Variants in KDM2B observed in about 807,000 individuals in gnomAD.
The protein encoded by KDM2B is lysine demethylase 2B, also known as lysine-specific demethylase 2B.
In KDM2B, 26 loss-of-function variants were observed where a neutral mutation model predicts 150.0. That is an observed-to-expected ratio of 0.17 (90% confidence interval 0.13 to 0.24). KDM2B has a LOEUF of 0.24. KDM2B is among the 10% of genes least tolerant of loss of function. KDM2B has a pLI of 1.00. For synonymous variants in KDM2B, 734 were observed against 729.5 expected (o/e 1.01, Z -0.10); for missense variants, 1,265 against 1,816.9 (o/e 0.70, Z 5.52).
In KDM2B at chr12:121,439,314, A is replaced by G. The variant is rs192613722; in HGVS notation, c.3829+543T>C. Among the ~76,000 whole-genome samples, 50 of 150,698 alleles carry G rather than the reference A, an allele frequency of 3.3e-4. No individual in the cohort carries two copies. The East Asian group carries it at 6.8e-3, about 21-fold the overall frequency. Reference sequence around the variant, plus strand: ...GTATTTTGGGTCAGGAACCACTGCTATGTGCTTGTGGCTGCTGCTAACTGG... The same window carrying G: ...GTATTTTGGGTCAGGAACCACTGCTGTGTGCTTGTGGCTGCTGCTAACTGG... On this transcript the variant is annotated intron_variant, in intron 22 of 22. Coordinates refer to ENST00000377071, the MANE Select transcript of KDM2B (RefSeq NM_032590.5).
intron 8 of KDM2B, among the ~76,000 whole-genome samples, chr12:121,529,415 G>T (rs1887439336): frequency 1.3e-5 from 2 of 152,144 alleles, no homozygotes; most frequent in Admixed American, 6.6e-5. Context: ...TCACACTGTG[G>T]CAATGAAAAC....
In KDM2B at chr12:121,440,247, A is replaced by G. The variant is rs782766347; in HGVS notation, c.3611-172T>C. The G allele has an allele frequency of 6.6e-6, 4 of 605,846 alleles. No individual in the cohort carries two copies. In the South Asian group the frequency reaches 8.0e-5, roughly 12 times the overall value. 37.5% of individuals were successfully genotyped at this position (605,846 alleles called of 1,614,324 possible). The stretch of plus-strand genomic sequence containing the variant: ...CCAACAGTGAAAAATCAGACTCCAC[A>G]TCAAAACTTAGATTTTCAGATTCTC... On this transcript the variant is annotated intron_variant, in intron 21 of 22. Coordinates refer to ENST00000377071, the MANE Select transcript of KDM2B (RefSeq NM_032590.5).
In KDM2B at chr12:121,442,853, A is replaced by G; in HGVS notation, c.2605-17T>C. The G allele has an allele frequency of 6.6e-7, 1 of 1,516,170 alleles. No individual in the cohort carries two copies. Among genetic ancestry groups the G allele is most frequent in the Non-Finnish European group, 8.8e-7 (1 of 1,136,994 alleles). The allele number at this position is 1,516,170 out of a possible 1,614,324, so 93.9% of individuals were successfully genotyped here. A position where few individuals can be genotyped will look rare whatever the true frequency, so the allele number is the denominator to read the frequency against. Reference sequence around the variant, plus strand: ...GGACCGCCGCTGAGGGCGAGAGCGGAGACGCGTCAGCCTCTGGGGCTCAGG... The same window carrying G: ...GGACCGCCGCTGAGGGCGAGAGCGGGGACGCGTCAGCCTCTGGGGCTCAGG... On this transcript the variant is annotated splice_polypyrimidine_tract_variant and intron_variant, in intron 18 of 22. Transcript: ENST00000377071. This position sits in a 1 kb window ranked among gnomAD's most constrained non-coding sequence, Gnocchi z 7.7.
intron 4 of KDM2B, among the ~76,000 whole-genome samples, chr12:121,563,576 C>T (rs782272507): frequency 2.0e-5 from 3 of 151,336 alleles, no homozygotes; most frequent in African/African-American, 7.3e-5. Flanking sequence ...CACTGCACTT[C>T]AGCCTGGGTG....
chr12:121,492,888 TTTTC>T (rs543321239), intron 12 of KDM2B, among the ~76,000 whole-genome samples: 256 of 151,722 alleles, frequency 1.7e-3, no homozygotes, highest in African/African-American at 6.0e-3. Context: ...CAGCATACTT[TTTTC>T]TTTCTTTCTC....
In KDM2B at chr12:121,549,433, G is replaced by T; in HGVS notation, c.576+27C>A. The T allele has an allele frequency of 6.4e-7, 1 of 1,558,436 alleles. No homozygotes were observed. Among genetic ancestry groups the T allele is most frequent in the South Asian group, 1.2e-5 (1 of 84,830 alleles). On this transcript the variant is annotated intron_variant, in intron 5 of 22. Coordinates refer to ENST00000377071, the MANE Select transcript of KDM2B (RefSeq NM_032590.5). The surrounding 1 kb of genome is among the most constrained non-coding windows in gnomAD (Gnocchi z 4.4). ...AAGGAGATGAGGTGGAAGGTATCTG[G>T]GGAGGGTACCTGGGCCCCGGACCTA...
chr12:121,424,214 CTTT>C (rs1284947093), downstream of KDM2B: 1 of 152,648 alleles, frequency 6.6e-6, no homozygotes, highest in Non-Finnish European at 1.5e-5. Context: ...CATCTAGCTT[CTTT>C]TATTAGAAGT....
chr12:121,408,658 G>A, the KDM2B span, among the ~76,000 whole-genome samples: 1 of 152,136 alleles, frequency 6.6e-6, no homozygotes. Flanking sequence ...GGAGAGCCAG[G>A]TAGATGGAGT....
At position 121,430,286 on chromosome 12, in the gene KDM2B, G is replaced by A; in HGVS notation, c.*2C>T. 1.2e-6 allele frequency: 2 copies of A among 1,614,072 alleles called. No homozygotes were observed. Among genetic ancestry groups the A allele is most frequent in the East Asian group, 2.2e-5 (1 of 44,886 alleles). On this transcript the variant is annotated 3_prime_UTR_variant, in exon 23 of 23. Transcript: ENST00000377071. The surrounding 1 kb of genome is among the most constrained non-coding windows in gnomAD (Gnocchi z 4.4). ...CCCCGTATTTACATACTTATCCTTGGACTAACTCAGTTTTTGCAGGAGTTT... is the reference window on the plus strand; with the variant it reads ...CCCCGTATTTACATACTTATCCTTGAACTAACTCAGTTTTTGCAGGAGTTT...
intron 6 of KDM2B, chr12:121,536,312 A>C (rs1253103533): frequency 2.0e-5 from 3 of 153,476 alleles, no homozygotes; most frequent in Non-Finnish European, 4.3e-5. Flanking sequence ...AGGCTGACAA[A>C]TCAGAAGGCC....
intron 8 of KDM2B, among the ~76,000 whole-genome samples, chr12:121,527,653 C>CAAAAA (rs58304715): frequency 1.7e-5 from 1 of 58,562 alleles, no homozygotes. Flanking sequence ...GACTCCGTCT[C>CAAAAA]AAAAAAAAAA....
chr12:121,476,438 C>G (rs767768491), intron 12 of KDM2B, among the ~76,000 whole-genome samples: 1 of 151,326 alleles, frequency 6.6e-6, no homozygotes, highest in African/African-American at 2.4e-5. Flanking sequence ...CCTGGGTGAC[C>G]GAACAAGACA....
chr12:121,505,917 CAG>C (rs1555302852), intron 11 of KDM2B, among the ~76,000 whole-genome samples: 1 of 152,216 alleles, frequency 6.6e-6, no homozygotes, highest in African/African-American at 2.4e-5. Context: ...AACAAGGCGA[CAG>C]AGCGTACATC....
intron 11 of KDM2B, among the ~76,000 whole-genome samples, chr12:121,506,150 C>T (rs1885052408): frequency 1.3e-5 from 2 of 152,022 alleles, no homozygotes; most frequent in African/African-American, 4.8e-5. Flanking sequence ...GCTGGGGCTA[C>T]AGGCGCACAC....
In KDM2B at chr12:121,443,768, C is replaced by G; in HGVS notation, c.2477G>C (p.Gly826Ala). The change falls in exon 17 of 23, where the codon GGT becomes GCT. Residue 826 changes from glycine (G) to alanine (A), a missense_variant. Gly to Ala is a moderately conservative substitution (Grantham distance 60, BLOSUM62 0). Coordinates refer to ENST00000377071, the MANE Select transcript of KDM2B (RefSeq NM_032590.5). Reference sequence around the variant, plus strand: ...CCTCGGCGAGAGGTGAGAGGAGGAACCGGGGGACGTTTGAAGCGATGAGGC... The same window carrying G: ...CCTCGGCGAGAGGTGAGAGGAGGAAGCGGGGGACGTTTGAAGCGATGAGGC... ...KRASSLQTSP[G>A]SSSHLSPRPP... 1 of 1,607,576 alleles carries G rather than the reference C, an allele frequency of 6.2e-7. No individual in the cohort carries two copies. Among genetic ancestry groups the G allele is most frequent in the Non-Finnish European group, 8.5e-7 (1 of 1,177,744 alleles).
At chr12:121,449,023 C>T (rs1229596920) in intron 13 of KDM2B, among the ~76,000 whole-genome samples, 2 of 152,160 alleles carry the variant, frequency 1.3e-5, no homozygotes, top group Non-Finnish European at 2.9e-5. Context: ...CCAAAGGGGA[C>T]GTCTGGGGAC....
At chr12:121,528,893 C>CA (rs1172748801) in intron 8 of KDM2B, among the ~76,000 whole-genome samples, 4 of 151,896 alleles carry the variant, frequency 2.6e-5, no homozygotes, top group East Asian at 1.9e-4. Context: ...AACTCTGTCT[C>CA]AAAAAAACAA....
intron 6 of KDM2B, among the ~76,000 whole-genome samples, chr12:121,548,578 G>A (rs1265800311): frequency 4.6e-5 from 7 of 152,300 alleles, no homozygotes; most frequent in South Asian, 2.1e-4. Context: ...GTGCCCTTGC[G>A]TACAGACACA....
chr12:121,507,434 C>G (rs1465634063), intron 11 of KDM2B, among the ~76,000 whole-genome samples: 2 of 152,236 alleles, frequency 1.3e-5, no homozygotes, highest in African/African-American at 4.8e-5. Context: ...ACACACCCAA[C>G]AGCACCAAGT....
Sources: allele counts gnomAD v4.1 joint callset (sites outside exome capture counted in the v4.1 genomes callset), GRCh38; gene constraint gnomAD v4.1.1; non-coding constraint Gnocchi (gnomAD v3.1); transcripts MANE v1.5; gene names NCBI Gene and HGNC (gene_info 2026-07-23, HGNC 2026-07-21).